The following WDR33 variants were observed in gnomAD, a reference collection of about 807,000 sequenced individuals.
WDR33 encodes pre-mRNA 3' end processing protein WDR33.
Under a neutral mutation model 164.9 loss-of-function variants are expected in WDR33, and 47 were observed. The observed-to-expected ratio is 0.29, with a 90% CI of 0.23 to 0.36. WDR33 has a LOEUF of 0.36. WDR33 is among the 10% of genes least tolerant of loss of function. The pLI is 1.00. For synonymous variants in WDR33, 505 were observed against 589.0 expected, an observed-to-expected ratio of 0.86 and a Z score of 2.06; for missense variants, 1,137 against 1,754.1, an observed-to-expected ratio of 0.65 and a Z score of 6.28.
At chr2:127,802,777 G>A (rs1430020277) in intron 1 of WDR33, among the ~76,000 whole-genome samples, 3 of 151,964 alleles carry the variant, frequency 2.0e-5, no homozygotes, top group African/African-American at 4.8e-5. Context: ...CCAGGAGTTC[G>A]AGCCCAGACT....
chr2:127,761,421 T>C (rs1307656258), intron 7 of WDR33, among the ~76,000 whole-genome samples: 7 of 152,114 alleles, frequency 4.6e-5, no homozygotes, highest in Admixed American at 4.6e-4. Flanking sequence ...AGGATGGTCT[T>C]GATCTCCTGA....
chr2:127,801,265 A>C (rs957560259), intron 1 of WDR33, among the ~76,000 whole-genome samples: 11 of 152,158 alleles, frequency 7.2e-5, no homozygotes, highest in African/African-American at 1.9e-4. Flanking sequence ...CAGGGGTAAC[A>C]GAAGGAGACC....
At chr2:127,788,493 C>A (rs1688698752) in intron 1 of WDR33, among the ~76,000 whole-genome samples, 1 of 132,800 alleles carries the variant, frequency 7.5e-6, no homozygotes, top group Non-Finnish European at 1.6e-5. Context: ...CACCTCCCTC[C>A]CGGACGGGGC....
Position 127,726,623 on chromosome 2 carries a change from G to A in WDR33, c.851+28C>T. 6.2e-7 allele frequency: 1 copy of A among 1,612,186 alleles called. No homozygotes were observed. Among genetic ancestry groups the A allele is most frequent in the Non-Finnish European group, 8.5e-7 (1 of 1,179,094 alleles). ...CACTGCTTTGCTCCCCTTTGTTCAG[G>A]GGCCAAGGTGGGGTTCCTGTCACTT... On this transcript the variant is annotated intron_variant, in intron 8 of 21. Transcript: ENST00000322313. The surrounding 1 kb of genome is among the most constrained non-coding windows in gnomAD (Gnocchi z 4.8).
chr2:127,801,998 T>C (rs1234233997), intron 1 of WDR33, among the ~76,000 whole-genome samples: 1 of 149,030 alleles, frequency 6.7e-6, no homozygotes, highest in Non-Finnish European at 1.5e-5. Context: ...CTGGCCAACA[T>C]GGTAAAACCC....
intron 7 of WDR33, among the ~76,000 whole-genome samples, chr2:127,751,795 C>T (rs1357584813): frequency 6.6e-6 from 1 of 152,144 alleles, no homozygotes; most frequent in Non-Finnish European, 1.5e-5. Context: ...AATCACTAAA[C>T]TTAAAATGCT....
In WDR33 at chr2:127,764,583, T is replaced by A. The variant is rs776328420; in HGVS notation, c.626+245A>T. 1.9e-6 allele frequency: 3 copies of A among 1,551,662 alleles called. No individual in the cohort carries two copies. Among genetic ancestry groups the A allele is most frequent in the Non-Finnish European group, 2.6e-6 (3 of 1,147,026 alleles). On this transcript the variant is annotated intron_variant, in intron 6 of 21. Coordinates refer to ENST00000322313, the MANE Select transcript of WDR33 (RefSeq NM_018383.5). The surrounding 1 kb of genome is among the most constrained non-coding windows in gnomAD (Gnocchi z 6.2). ...ATCATAAATGAAAAGAGAAAACCAG[T>A]GCAAAATGCGGCAGACAGTACATCT... is the stretch of plus-strand genomic sequence containing the variant.
intron 21 of WDR33, among the ~76,000 whole-genome samples, chr2:127,707,434 C>T (rs1686047984): frequency 6.6e-6 from 1 of 152,144 alleles, no homozygotes; most frequent in South Asian, 2.1e-4. Context: ...GCCAAAGGAA[C>T]AATCTTGGCT....
At chr2:127,767,444 T>C (rs1687856297) in intron 4 of WDR33, among the ~76,000 whole-genome samples, 1 of 152,232 alleles carries the variant, frequency 6.6e-6, no homozygotes, top group Non-Finnish European at 1.5e-5. Context: ...CCGGGCACGG[T>C]GGCTCATGCC....
intron 1 of WDR33, among the ~76,000 whole-genome samples, chr2:127,809,909 TC>T (rs1689586297): frequency 6.6e-6 from 1 of 152,002 alleles, no homozygotes; most frequent in Admixed American, 6.6e-5. Context: ...AGCAAAAGTA[TC>T]TTACAGTAAT....
In WDR33 at chr2:127,702,391, A is replaced by G. The variant is rs1685915525; in HGVS notation, c.*3932T>C. 2 of 338,496 alleles carry G rather than the reference A, an allele frequency of 5.9e-6. No homozygotes were observed. The highest frequency in any genetic ancestry group is 1.1e-5 in the Non-Finnish European group (2 of 186,154). 21.0% of individuals were successfully genotyped at this position (338,496 alleles called of 1,614,324 possible). On this transcript the variant is annotated 3_prime_UTR_variant, in exon 22 of 22. Transcript: ENST00000322313. ...GTCAGCTTTTTGTGCTGGACTTGGC[A>G]CACGCTCTGAAAACTGAGATTTTGT...
rs565947998 is a variant in WDR33, at chr2:127,726,928, T to A, written c.725-151A>T. The A allele has an allele frequency of 6.1e-6, 6 of 987,126 alleles. No individual in the cohort carries two copies. Among genetic ancestry groups the A allele is most frequent in the Non-Finnish European group, 8.8e-6 (6 of 684,448 alleles). 61.1% of individuals were successfully genotyped at this position (987,126 alleles called of 1,614,324 possible). On this transcript the variant is annotated intron_variant, in intron 7 of 21. Transcript: ENST00000322313. The surrounding 1 kb of genome is among the most constrained non-coding windows in gnomAD (Gnocchi z 4.8). Reference sequence around the variant, plus strand: ...GAAGACTCTTTGGCCTCTGTGTGTCTGGAAATTTTTCAGATACAGTATCCT... The same window carrying A: ...GAAGACTCTTTGGCCTCTGTGTGTCAGGAAATTTTTCAGATACAGTATCCT...
At chr2:127,807,980 A>T (rs1299589482) in intron 1 of WDR33, among the ~76,000 whole-genome samples, 2 of 152,176 alleles carry the variant, frequency 1.3e-5, no homozygotes, top group East Asian at 1.9e-4. Flanking sequence ...ACAAACAAAC[A>T]AACTAAAAAC....
rs757060055 is a variant in WDR33 at position 127,770,880 on chromosome 2, T to C, written c.102A>G (p.Gln34=). The part of the protein sequence containing the change: ...QLFYKRPDFA[Q]QQAMQQLTFD... ...AAGTAAGCTGTTGCATTGCTTGCTG[T>C]TGTGCAAAATCAGGTCGCTTATAAA... Residue 34 remains glutamine (Q), a synonymous_variant, in exon 2 of 22, where the codon CAA becomes CAG. Coordinates refer to ENST00000322313, the MANE Select transcript of WDR33 (RefSeq NM_018383.5). This position sits in a 1 kb window ranked among gnomAD's most constrained non-coding sequence, Gnocchi z 4.9. 8 of 1,614,016 alleles carry C rather than the reference T, an allele frequency of 5.0e-6. No individual in the cohort carries two copies. The highest frequency in any genetic ancestry group is 1.6e-4 in the Middle Eastern group (1 of 6,084).
chr2:127,721,712 G>T lies in WDR33; in HGVS notation c.1671+124C>A. ...AACTAGTCTTCTAGCATAGCAACAG[G>T]AAATGGCGGTGTTTGTCAGACCATG... is the stretch of plus-strand genomic sequence containing the variant. On this transcript the variant is annotated intron_variant, in intron 15 of 21. Transcript: ENST00000322313. The surrounding 1 kb of genome is among the most constrained non-coding windows in gnomAD (Gnocchi z 4.9). 9.8e-7 allele frequency: 1 copy of T among 1,015,266 alleles called. No individual in the cohort carries two copies. The highest frequency in any genetic ancestry group is 2.4e-5 in the South Asian group (1 of 41,768). The allele number at this position is 1,015,266 out of a possible 1,614,324, so 62.9% of individuals were successfully genotyped here.
intron 1 of WDR33, among the ~76,000 whole-genome samples, chr2:127,791,612 C>T (rs557242670): frequency 1.3e-5 from 2 of 152,136 alleles, no homozygotes; most frequent in Admixed American, 6.6e-5. Flanking sequence ...CACAGAGGCC[C>T]CCATCTCCAA....
intron 1 of WDR33, among the ~76,000 whole-genome samples, chr2:127,788,465 G>A (rs1426394227): frequency 2.3e-5 from 3 of 130,474 alleles, no homozygotes; most frequent in Non-Finnish European, 3.3e-5. Flanking sequence ...GGCTGGCCGG[G>A]CGGGGGGCTG....
Position 127,720,154 on chromosome 2 carries a change from C to T in WDR33, c.1871G>A (p.Gly624Glu). The change falls in exon 16 of 22, where the codon GGA becomes GAA. Residue 624 changes from glycine to glutamate, a missense_variant. Gly to Glu is a moderately conservative substitution (Grantham distance 98, BLOSUM62 -2). This residue lies in a region of WDR33 where 867 missense variants were observed against 1,073.0 expected (regional missense o/e 0.81). Coordinates refer to ENST00000322313, the MANE Select transcript of WDR33 (RefSeq NM_018383.5). This position sits in a 1 kb window ranked among gnomAD's most constrained non-coding sequence, Gnocchi z 5.9. ...MAQMGPPGPQGQFRPPGPQGQ... is the reference protein window; with the variant it reads ...MAQMGPPGPQEQFRPPGPQGQ... ...CTGGGGTCCAGGAGGCCTAAACTGT[C>T]CCTGTGGACCTGGAGGCCCCATTTG... is the stretch of plus-strand genomic sequence containing the variant. The T allele has an allele frequency of 6.2e-7, 1 of 1,613,902 alleles. No homozygotes were observed. Among genetic ancestry groups the T allele is most frequent in the Non-Finnish European group, 8.5e-7 (1 of 1,179,926 alleles).
Position 127,708,748 on chromosome 2 carries a change from TC to T in WDR33, c.3709del (p.Asp1237MetfsTer44). 1 of 1,613,824 alleles carries T rather than the reference TC, an allele frequency of 6.2e-7. No homozygotes were observed. On this transcript the variant is annotated frameshift_variant, in exon 21 of 22. Coordinates refer to ENST00000322313, the MANE Select transcript of WDR33 (RefSeq NM_018383.5). LOFTEE classifies it high-confidence loss of function. The surrounding 1 kb of genome is among the most constrained non-coding windows in gnomAD (Gnocchi z 6.7). ...TCTGTGCTCAGAAGTGCCTGGGCCA[TC>T]ATGCCAGGGGCGCTTTCGGGGAGGT... The part of the protein sequence containing the change: ...SLPPRKRPWH[D>X]GPGTSEHREM...
Sources: allele counts gnomAD v4.1 joint callset (sites outside exome capture counted in the v4.1 genomes callset), GRCh38; gene constraint gnomAD v4.1.1; regional missense constraint gnomAD v4.1.1; non-coding constraint Gnocchi (gnomAD v3.1); transcripts MANE v1.5; gene names NCBI Gene and HGNC (gene_info 2026-07-23, HGNC 2026-07-21).